Variants in PRKDC observed in about 807,000 individuals in gnomAD.
The protein encoded by PRKDC is DNA-dependent protein kinase catalytic subunit.
Under a neutral mutation model 486.9 loss-of-function variants are expected in PRKDC, and 82 were observed. The observed-to-expected ratio is 0.17, with a 90% confidence interval of 0.14 to 0.20. The LOEUF (loss-of-function observed/expected upper bound fraction) is 0.20. Among genes scored for constraint, PRKDC ranks in the 10% least tolerant of loss-of-function variants. The pLI is 1.00. For synonymous variants in PRKDC, 1,895 were observed against 1,837.0 expected (o/e 1.03, Z -0.81); for missense variants, 4,504 against 5,038.2 (o/e 0.89, Z 3.21).
intron 70 of PRKDC, among the ~76,000 whole-genome samples, chr8:47,801,967 T>A (rs1461857076): frequency 6.6e-6 from 1 of 152,242 alleles, no homozygotes; most frequent in East Asian, 1.9e-4. Context: ...TATTATTATA[T>A]GGGTATATGG....
chr8:47,807,453 C>T (rs2087238375), intron 68 of PRKDC, 127 bp from the exon 69 acceptor site: 3 of 794,148 alleles, frequency 3.8e-6, no homozygotes, highest in Non-Finnish European at 5.6e-6. Flanking sequence ...GAGTCTCACT[C>T]TGTTGCCCAG....
intron 30 of PRKDC, among the ~76,000 whole-genome samples, chr8:47,894,721 C>T (rs187975118): frequency 1.7e-4 from 26 of 152,272 alleles, no homozygotes; most frequent in Middle Eastern, 3.4e-3. Flanking sequence ...GTTCCTGTAC[C>T]CAGGACTGCT....
At chr8:47,797,643 A>G (rs2087009487) in intron 73 of PRKDC, among the ~76,000 whole-genome samples, 1 of 152,214 alleles carries the variant, frequency 6.6e-6, no homozygotes, top group Non-Finnish European at 1.5e-5. Context: ...ACACTTTGCA[A>G]ATGAAGTCAG....
chr8:47,839,075 G>A (rs1029189451), intron 56 of PRKDC, 73 bp downstream of exon 56: 1 of 1,194,994 alleles, frequency 8.4e-7, no homozygotes, highest in Non-Finnish European at 1.2e-6. Flanking sequence ...TAAAACTCCT[G>A]AAAAATACTC....
intron 11 of PRKDC, among the ~76,000 whole-genome samples, chr8:47,938,633 C>A (rs1023663579): frequency 2.0e-5 from 3 of 152,092 alleles, no homozygotes; most frequent in Non-Finnish European, 2.9e-5. Context: ...TCGATCACAG[C>A]TCACTGCCAC....
chr8:47,883,852 C>T (rs1191432715), intron 36 of PRKDC, among the ~76,000 whole-genome samples: 2 of 152,240 alleles, frequency 1.3e-5, no homozygotes, highest in African/African-American at 4.8e-5. Context: ...CGTCCCTTTC[C>T]TCAGGTGCCT....
chr8:47,849,311 G>T lies in PRKDC; in HGVS notation c.7131-8C>A, dbSNP rs753923646. The T allele has an allele frequency of 4.3e-6, 7 of 1,613,962 alleles. No individual in the cohort carries two copies. The South Asian group carries it at 7.7e-5, about 18-fold the overall frequency. On this transcript the variant is annotated splice_region_variant and splice_polypyrimidine_tract_variant and intron_variant, in intron 53 of 85. Coordinates refer to ENST00000314191, the MANE Select transcript of PRKDC (RefSeq NM_006904.7). ...AACACAGCATTCATGAACCTGGCGG[G>T]GAAGGGAACTGGTGAGAGGAGGGCC... is the stretch of plus-strand genomic sequence containing the variant.
chr8:47,814,859 G>C (rs1307341505), intron 68 of PRKDC, among the ~76,000 whole-genome samples: 2 of 152,124 alleles, frequency 1.3e-5, no homozygotes, highest in African/African-American at 4.8e-5. Context: ...CTAAAATAAA[G>C]TAGTTTTCAT....
At chr8:47,889,368 T>C (rs2089407797) in intron 32 of PRKDC, 146 bp from the exon 33 acceptor site, 1 of 656,948 alleles carries the variant, frequency 1.5e-6, no homozygotes, top group South Asian at 2.1e-5. Context: ...CAGTAAACAC[T>C]TGAGGTTTGT....
chr8:47,857,209 C>A lies in PRKDC; in HGVS notation c.6556G>T (p.Val2186Leu), dbSNP rs1414608838. ...AGAATAGTGGCCACTATCTCAACCA[C>A]CATGTAGTGAATTCCTTCTCCTCCA... ...NNGGEGIHYM[V>L]VEIVATILSW... is the part of the protein sequence containing the mutation. The change falls in exon 49 of 86, where the codon GTG (valine) becomes TTG (leucine). Residue 2186 changes from valine to leucine, a missense_variant. Around this residue, in one of 6 missense-constraint regions of PRKDC, gnomAD observed 1,592 missense variants for 1,724.6 expected, o/e 0.92. Coordinates refer to ENST00000314191, the MANE Select transcript of PRKDC (RefSeq NM_006904.7). 1 of 1,614,024 alleles carries A rather than the reference C, an allele frequency of 6.2e-7. No homozygotes were observed. The highest frequency in any genetic ancestry group is 2.2e-5 in the East Asian group (1 of 44,880).
At chr8:47,822,488 A>C (rs1220655912) in intron 64 of PRKDC, among the ~76,000 whole-genome samples, 1 of 152,136 alleles carries the variant, frequency 6.6e-6, no homozygotes, top group African/African-American at 2.4e-5. Context: ...ATTGCAGAGG[A>C]TTTTAAAACC....
chr8:47,861,066 A>G, intron 44 of PRKDC, 95 bp from the exon 45 acceptor site: 1 of 864,398 alleles, frequency 1.2e-6, no homozygotes, highest in Non-Finnish European at 1.7e-6. Context: ...AAAAATTATA[A>G]ATTTTTAAAC....
At position 47,915,306 on chromosome 8, in the gene PRKDC, ATTTAT is replaced by A; in HGVS notation, c.2617+17_2617+21del. The A allele has an allele frequency of 1.3e-5, 18 of 1,388,226 alleles. No individual in the cohort carries two copies. Among genetic ancestry groups the A allele is most frequent in the Non-Finnish European group, 1.8e-5 (18 of 1,006,812 alleles). 86.0% of individuals were successfully genotyped at this position (1,388,226 alleles called of 1,614,324 possible). On this transcript the variant is annotated intron_variant, in intron 23 of 85. Transcript: ENST00000314191. ...AAGCACAAATATATCTACAGAGGTT[ATTTAT>A]TTTAAAAGAAGTTTACCTGTCAGAA...
chr8:47,863,283 C>T, intron 42 of PRKDC, 116 bp downstream of exon 42: 1 of 883,024 alleles, frequency 1.1e-6, no homozygotes, highest in Non-Finnish European at 1.6e-6. Flanking sequence ...AAGAAGAAAA[C>T]TATAAAAGCT....
chr8:47,955,786 C>T (rs1398039358), intron 4 of PRKDC, 88 bp downstream of exon 4: 3 of 1,065,386 alleles, frequency 2.8e-6, no homozygotes, highest in Non-Finnish European at 1.4e-6. Context: ...TCCCCAAACA[C>T]ATCACCCAAA....
chr8:47,862,316 T>C, intron 43 of PRKDC, 57 bp downstream of exon 43: 1 of 1,519,574 alleles, frequency 6.6e-7, no homozygotes, highest in Non-Finnish European at 9.0e-7. Flanking sequence ...TTGACTGATA[T>C]AATCTAACTT....
Position 47,798,951 on chromosome 8 carries a change from G to T in PRKDC, c.10297+259C>A, listed in dbSNP as rs1296820690. Among the ~76,000 whole-genome samples the T allele has an allele frequency of 5.3e-5, 8 of 152,234 alleles. No individual in the cohort carries two copies. The South Asian group carries it at 1.7e-3, about 32-fold the overall frequency. ...AGCCTCCTGAGTAGCTGGGACTACA[G>T]GCATGGGCCACCACGCCCAGCTAAT... On this transcript the variant is annotated intron_variant, in intron 72 of 85. Coordinates refer to ENST00000314191, the MANE Select transcript of PRKDC (RefSeq NM_006904.7).
At chr8:47,943,540 C>T (rs558976560) in intron 9 of PRKDC, among the ~76,000 whole-genome samples, 174 bp from the exon 10 acceptor site, 1 of 152,306 alleles carries the variant, frequency 6.6e-6, no homozygotes, top group East Asian at 1.9e-4. Flanking sequence ...AATTAACAGG[C>T]CCATAACTTG....
intron 40 of PRKDC, among the ~76,000 whole-genome samples, chr8:47,866,246 G>C (rs1383577580): frequency 1.3e-5 from 2 of 150,588 alleles, no homozygotes; most frequent in Non-Finnish European, 2.9e-5. Context: ...TGCCTATAAA[G>C]CAGGCAAGCG....
Sources: gnomAD v4.1 joint callset for allele counts (sites outside exome capture counted in the v4.1 genomes callset) on GRCh38, gnomAD v4.1.1 for gene constraint, gnomAD v4.1.1 regional missense constraint, MANE v1.5 for transcripts, NCBI Gene and HGNC (gene_info 2026-07-23, HGNC 2026-07-21) for gene names.